Variants in SLC3A2 observed in about 807,000 individuals in gnomAD.
SLC3A2 encodes solute carrier family 3 member 2.
Under a neutral mutation model 48.5 loss-of-function variants are expected in SLC3A2, and 32 were observed. The ratio of observed to expected loss-of-function variants is 0.66; its 90% CI spans 0.50 to 0.89. The LOEUF (loss-of-function observed/expected upper bound fraction) is 0.89, where lower values mean the gene tolerates loss of function less well. Among genes scored for constraint, SLC3A2 ranks in the 40% least tolerant of loss-of-function variants. The probability of loss-of-function intolerance (pLI) is 0.00; values close to 1 mark genes in which losing one functional copy is unlikely to be tolerated. For synonymous variants in SLC3A2, 277 were observed against 288.8 expected (o/e 0.96, Z 0.41); for missense variants, 587 against 680.7 (o/e 0.86, Z 1.53).
At chr11:62,883,898 A>G in intron 3 of SLC3A2, 1 of 442,880 alleles carries the variant, frequency 2.3e-6, no homozygotes, top group South Asian at 1.6e-5. Flanking sequence ...GCCTCTTTTC[A>G]AATCTAAACT....
At position 62,882,927 on chromosome 11, in the gene SLC3A2, C is replaced by T; in HGVS notation, c.618C>T (p.Asp206=). 1 of 1,614,166 alleles carries T rather than the reference C, an allele frequency of 6.2e-7. No homozygotes were observed. Among genetic ancestry groups the T allele is most frequent in the South Asian group, 1.1e-5 (1 of 91,088 alleles). ...AKKKSIRVIL[D]LTPNYRGENS... is the part of the protein sequence containing the mutation. The stretch of plus-strand genomic sequence containing the variant: ...TTTTAGGCATCCGTGTCATTCTGGA[C>T]CTTACTCCCAACTACCGGGGTGAGA... The change falls in exon 3 of 9, where the codon GAC becomes GAT. Residue 206 remains aspartate, a synonymous_variant. Coordinates refer to ENST00000338663, the MANE Select transcript of SLC3A2 (RefSeq NM_001013251.3).
At chr11:62,876,939 T>C (rs1159837661), upstream of SLC3A2, 21 of 991,872 alleles carry the variant, frequency 2.1e-5, no homozygotes, top group Non-Finnish European at 2.4e-5. Context: ...AGTCTTGGTT[T>C]GTTTTCCTGC....
intron 1 of SLC3A2, among the ~76,000 whole-genome samples, chr11:62,873,512 A>T (rs2085539214): frequency 6.6e-6 from 1 of 151,992 alleles, no homozygotes; most frequent in African/African-American, 2.4e-5. Context: ...AATTTTGTAC[A>T]GACAAGGTCT....
rs879131288 is a variant in SLC3A2 at position 62,880,936 on chromosome 11, G to T, written c.-88G>T. 1 of 1,477,046 alleles carries T rather than the reference G, an allele frequency of 6.8e-7. No homozygotes were observed. The highest frequency in any genetic ancestry group is 9.0e-7 in the Non-Finnish European group (1 of 1,114,846). 91.5% of individuals were successfully genotyped at this position (1,477,046 alleles called of 1,614,324 possible). ...AACTGCGCGGAGGCACAGAGGCCGG[G>T]GAGAGCGTTCTGGGTCCGAGGGTCC... On this transcript the variant is annotated 5_prime_UTR_variant, in exon 1 of 9. Transcript: ENST00000338663.
Position 62,862,269 on chromosome 11 carries a change from C to T in SLC3A2, c.112+5888C>T, listed in dbSNP as rs148213685. Among the ~76,000 whole-genome samples, 436 of 136,478 alleles carry T rather than the reference C, an allele frequency of 3.2e-3. 1 individual carries two copies. Among genetic ancestry groups the T allele is most frequent in the African/African-American group, 0.012 (417 of 36,168 alleles). The allele number at this position is 136,478 out of a possible 152,430, so 89.5% of individuals were successfully genotyped here. On this transcript the variant is annotated intron_variant, in intron 1 of 9. Transcript: ENST00000377889. ...GAGGTGGAGGCAACGATGAGCTCAT[C>T]GCAACGATGAGCTGAGATCACGCCA... is the stretch of plus-strand genomic sequence containing the variant.
Position 62,881,368 on chromosome 11 carries a change from GA to G in SLC3A2, c.347del (p.Lys116SerfsTer28). The stretch of plus-strand genomic sequence containing the variant: ...CGCGTTGTCGCGAGCTACCGGCGCA[GA>G]AGTGGTGGCACACGGGCGCCCTCTA... ...APRCRELPAQ[K>X]WWHTGALYRI... On this transcript the variant is annotated frameshift_variant, in exon 1 of 9. Coordinates refer to ENST00000338663, the MANE Select transcript of SLC3A2 (RefSeq NM_001013251.3). LOFTEE classifies it high-confidence loss of function. The surrounding 1 kb of genome is among the most constrained non-coding windows in gnomAD (Gnocchi z 4.0). The G allele has an allele frequency of 6.3e-7, 1 of 1,597,908 alleles. No homozygotes were observed. Among genetic ancestry groups the G allele is most frequent in the Non-Finnish European group, 8.5e-7 (1 of 1,177,270 alleles).
chr11:62,872,795 T>C (rs2085531137), intron 1 of SLC3A2, among the ~76,000 whole-genome samples: 1 of 151,536 alleles, frequency 6.6e-6, no homozygotes, highest in Admixed American at 6.6e-5. Context: ...AGAGATGGGG[T>C]TTCTCCATGT....
chr11:62,869,368 C>T (rs2085486858), intron 1 of SLC3A2, among the ~76,000 whole-genome samples: 1 of 150,482 alleles, frequency 6.6e-6, no homozygotes, highest in Non-Finnish European at 1.5e-5. Flanking sequence ...ACTAAAAATA[C>T]AAAAAATTAG....
exon 1 of SLC3A2, chr11:62,856,326 G>C (rs1285154929): frequency 4.3e-6 from 7 of 1,613,502 alleles, no homozygotes; most frequent in Non-Finnish European, 5.9e-6. Context: ...CGCGCCAGTT[G>C]CCTGGCTCAC....
rs1286160 is a variant in SLC3A2 at position 62,865,429 on chromosome 11, C to T, written c.112+9048C>T. On this transcript the variant is annotated intron_variant, in intron 1 of 9. Coordinates refer to the SLC3A2 transcript ENST00000377889. ...TTAGCTGGGCATGGTGGCGTGTGCC[C>T]GTAATCCCAGCTACTAGGGAGGCTG... 1.7e-3 allele frequency among the ~76,000 whole-genome samples: 256 copies of T among 151,712 alleles called. 1 individual carries two copies. Among genetic ancestry groups the T allele is most frequent in the Non-Finnish European group, 3.0e-3 (203 of 67,834 alleles).
chr11:62,883,993 C>G, intron 3 of SLC3A2: 1 of 456,872 alleles, frequency 2.2e-6, no homozygotes, highest in Non-Finnish European at 4.4e-6. Context: ...CCCCAGGCCT[C>G]AGGAAACTGG....
intron 1 of SLC3A2, chr11:62,856,443 T>C: frequency 1.4e-6 from 2 of 1,426,676 alleles, no homozygotes; most frequent in Middle Eastern, 1.8e-4. Context: ...TTCGGGAAAG[T>C]ATGTCAGGAC....
chr11:62,884,486 C>G lies in SLC3A2; in HGVS notation c.720C>G (p.Gly240=). The change falls in exon 4 of 9, where the codon GGC becomes GGG. Residue 240 remains glycine, a synonymous_variant. Transcript: ENST00000338663. ...KDALEFWLQA[G]VDGFQVRDIE... is the part of the protein sequence containing the mutation. ...CTCTGGAGTTTTGGCTGCAAGCTGG[C>G]GTGGATGGGTTCCAGGTTCGGGACA... 1 of 1,614,128 alleles carries G rather than the reference C, an allele frequency of 6.2e-7. No homozygotes were observed.
intron 7 of SLC3A2, chr11:62,886,682 T>C (rs1372015997): frequency 2.0e-5 from 3 of 152,128 alleles, no homozygotes; most frequent in Non-Finnish European, 4.4e-5. Flanking sequence ...CTCTGCCTCT[T>C]GGGTTCAAGT....
intron 1 of SLC3A2, among the ~76,000 whole-genome samples, chr11:62,857,694 T>TAAA (rs1484187043): frequency 4.6e-5 from 1 of 21,590 alleles, no homozygotes; most frequent in South Asian, 4.1e-3. Context: ...TGACCCTGTC[T>TAAA]CAAAAAAAAA....
Position 62,881,930 on chromosome 11 carries a change from G to A in SLC3A2, c.462G>A (p.Lys154=). The A allele has an allele frequency of 6.2e-7, 1 of 1,614,152 alleles. No homozygotes were observed. The highest frequency in any genetic ancestry group is 8.5e-7 in the Non-Finnish European group (1 of 1,180,026). The change falls in exon 2 of 9, where the codon AAG becomes AAA. Residue 154 remains lysine, a synonymous_variant. Transcript: ENST00000338663. This position sits in a 1 kb window ranked among gnomAD's most constrained non-coding sequence, Gnocchi z 4.0. The part of the protein sequence containing the change: ...KGRLDYLSSL[K]VKGLVLGPIH... ...GTCTCGATTACCTGAGCTCTCTGAA[G>A]GTGAAGGGCCTTGTGCTGGGTCCAA...
chr11:62,880,897 G>C lies in SLC3A2; in HGVS notation c.-127G>C, dbSNP rs2085624434. On this transcript the variant is annotated 5_prime_UTR_variant, in exon 1 of 9. Coordinates refer to ENST00000338663, the MANE Select transcript of SLC3A2 (RefSeq NM_001013251.3). ...CAGAGGCCGCGCCTGCTGCTGAGCA[G>C]ATGCAGTAGCCGAAACTGCGCGGAG... 1 of 1,441,274 alleles carries C rather than the reference G, an allele frequency of 6.9e-7. No homozygotes were observed. Among genetic ancestry groups the C allele is most frequent in the Non-Finnish European group, 9.1e-7 (1 of 1,096,836 alleles). 89.3% of individuals were successfully genotyped at this position (1,441,274 alleles called of 1,614,324 possible).
chr11:62,888,195 G>A lies in SLC3A2; in HGVS notation c.1204G>A (p.Val402Ile). Residue 402 changes from valine to isoleucine, a missense_variant, in exon 8 of 9, where the codon GTA becomes ATA. Val to Ile is a conservative substitution (Grantham distance 29). Transcript: ENST00000338663. Reference sequence around the variant, plus strand: ...CAGCTTCCCTGACATCCCAGGGGCTGTAAGTGCCAACATGACTGTGAAGGT... The same window carrying A: ...CAGCTTCCCTGACATCCCAGGGGCTATAAGTGCCAACATGACTGTGAAGGT... ...ESSFPDIPGA[V>I]SANMTVKGQS... is the part of the protein sequence containing the mutation. The A allele has an allele frequency of 1.2e-6, 2 of 1,614,120 alleles. No homozygotes were observed. The highest frequency in any genetic ancestry group is 1.7e-6 in the Non-Finnish European group (2 of 1,180,010).
chr11:62,878,089 G>A (rs978260713), upstream of SLC3A2, among the ~76,000 whole-genome samples: 3 of 152,028 alleles, frequency 2.0e-5, no homozygotes, highest in Non-Finnish European at 4.4e-5. Context: ...AACCTGAGAG[G>A]CACAGGTTGC....
Sources: allele counts gnomAD v4.1 joint callset (sites outside exome capture counted in the v4.1 genomes callset), GRCh38; gene constraint gnomAD v4.1.1; non-coding constraint Gnocchi (gnomAD v3.1); transcripts MANE v1.5; gene names NCBI Gene and HGNC (gene_info 2026-07-23, HGNC 2026-07-21).